The following PACS1 variants were observed in gnomAD, a reference collection of about 807,000 sequenced individuals.
The protein encoded by PACS1 is PACS-1.
Under a neutral mutation model 115.0 loss-of-function variants are expected in PACS1, and 24 were observed. The observed-to-expected ratio is 0.21, with a 90% CI of 0.15 to 0.29. The LOEUF (loss-of-function observed/expected upper bound fraction) is 0.29, where lower values mean the gene tolerates loss of function less well. Among genes scored for constraint, PACS1 ranks in the 10% least tolerant of loss-of-function variants. The pLI is 1.00. For synonymous variants in PACS1, 453 were observed against 504.5 expected (o/e 0.90, Z 1.37); for missense variants, 838 against 1,251.2 (o/e 0.67, Z 4.98).
chr11:66,241,677 A>C (rs769635265), intron 22 of PACS1, 24 bp downstream of exon 22: 1 of 1,575,488 alleles, frequency 6.3e-7, no homozygotes, highest in Non-Finnish European at 8.7e-7. Context: ...AGGCCGGGGA[A>C]GACCATGGGC....
intron 1 of PACS1, among the ~76,000 whole-genome samples, chr11:66,072,676 A>G (rs1355240224): frequency 6.6e-6 from 1 of 152,312 alleles, no homozygotes; most frequent in East Asian, 1.9e-4. Flanking sequence ...CTCTCTTTCT[A>G]TACAGGCCCA....
chr11:66,216,087 A>G, intron 4 of PACS1, 32 bp from the exon 5 acceptor site: 1 of 1,612,216 alleles, frequency 6.2e-7, no homozygotes, highest in Non-Finnish European at 8.5e-7. Flanking sequence ...CCTCTGTAGT[A>G]ACACGCCTCC....
rs186385548 is a variant in PACS1, at chr11:66,164,444, A to T, written c.357-29042A>T. 3.3e-5 allele frequency among the ~76,000 whole-genome samples: 5 copies of T among 151,240 alleles called. No individual in the cohort carries two copies. The East Asian group carries it at 9.9e-4, about 30-fold the overall frequency. ...AGAGTGACATCAGATCTATTAAAAA[A>T]AAAATTTTTTTCATTTGTGAGTATA... On this transcript the variant is annotated intron_variant, in intron 1 of 23. Coordinates refer to ENST00000320580, the MANE Select transcript of PACS1 (RefSeq NM_018026.4).
rs71461615 is a variant in PACS1 at position 66,236,766 on chromosome 11, T to TTA, written c.2250+827_2250+828insAT. On this transcript the variant is annotated intron_variant, in intron 19 of 23. Transcript: ENST00000320580. This position sits in a 1 kb window ranked among gnomAD's most constrained non-coding sequence, Gnocchi z 4.2. The stretch of plus-strand genomic sequence containing the variant: ...AACCAGCTTCTATCTTTTTTTATTA[T>TTA]TTTTTTTTTTTATGAGATGGAGTCT... 2.4e-3 allele frequency among the ~76,000 whole-genome samples: 237 copies of TTA among 97,074 alleles called. No homozygotes were observed. Among genetic ancestry groups the TTA allele is most frequent in the African/African-American group, 5.2e-3 (126 of 24,362 alleles). 63.7% of individuals were successfully genotyped at this position (97,074 alleles called of 152,430 possible). A position where few individuals can be genotyped will look rare whatever the true frequency, so the allele number is the denominator to read the frequency against.
intron 1 of PACS1, among the ~76,000 whole-genome samples, chr11:66,168,815 A>AT (rs1859671101): frequency 6.7e-6 from 1 of 148,646 alleles, no homozygotes; most frequent in African/African-American, 2.6e-5. Flanking sequence ...TTAATTTTAC[A>AT]TTTTTAAATT....
intron 19 of PACS1, chr11:66,238,186 C>T (rs1219040406): frequency 2.0e-6 from 2 of 985,322 alleles, no homozygotes; most frequent in Non-Finnish European, 2.4e-6. Context: ...CCATTCAGTA[C>T]ACTTCCAGAT....
At position 66,230,837 on chromosome 11, in the gene PACS1, A is replaced by G. The variant is rs1406197729; in HGVS notation, c.1523A>G (p.Lys508Arg). 10 of 1,614,084 alleles carry G rather than the reference A, an allele frequency of 6.2e-6. 1 individual carries two copies. Among genetic ancestry groups the G allele is most frequent in the Non-Finnish European group, 8.5e-6 (10 of 1,180,034 alleles). Reference sequence around the variant, plus strand: ...GAGGGGGTGCACACACCCCGGCAGAAGAGGAGCACGCCCCTGAAGGAGCGG... The same window carrying G: ...GAGGGGGTGCACACACCCCGGCAGAGGAGGAGCACGCCCCTGAAGGAGCGG... Reference protein sequence around the residue: ...KVEGVHTPRQKRSTPLKERQL... With the variant: ...KVEGVHTPRQRRSTPLKERQL... Residue 508 changes from lysine (K) to arginine (R), a missense_variant, in exon 13 of 24, where the codon AAG (lysine) becomes AGG (arginine). Around this residue, in one of 6 missense-constraint regions of PACS1, gnomAD observed 383 missense variants for 537.0 expected, o/e 0.71. Transcript: ENST00000320580.
At chr11:66,200,429 A>T (rs116679251) in intron 2 of PACS1, among the ~76,000 whole-genome samples, 225 of 152,284 alleles carry the variant, frequency 1.5e-3, no homozygotes, top group African/African-American at 4.4e-3. Flanking sequence ...ACACATAGAG[A>T]CTAAAAATAA....
chr11:66,086,168 C>T (rs1422699220), intron 1 of PACS1, among the ~76,000 whole-genome samples: 6 of 137,698 alleles, frequency 4.4e-5, no homozygotes, highest in Admixed American at 2.3e-4. Flanking sequence ...GACGGAGTCT[C>T]GCTCTGTCGC....
intron 10 of PACS1, among the ~76,000 whole-genome samples, chr11:66,226,137 A>C (rs1217677991): frequency 6.6e-6 from 1 of 152,128 alleles, no homozygotes; most frequent in Non-Finnish European, 1.5e-5. Context: ...GCACCACTAC[A>C]CCCCAGCCTG....
rs1855859050 is a variant in PACS1 at position 66,243,505 on chromosome 11, C to T, written c.*225C>T. 3 of 569,720 alleles carry T rather than the reference C, an allele frequency of 5.3e-6. No homozygotes were observed. The highest frequency in any genetic ancestry group is 9.5e-6 in the Non-Finnish European group (3 of 317,122). 35.3% of individuals were successfully genotyped at this position (569,720 alleles called of 1,614,324 possible). A position where few individuals can be genotyped will look rare whatever the true frequency, so the allele number is the denominator to read the frequency against. ...CCTCCTTCCCGCTTTTCCCCTTCTCCCTCCTGCTCCAGGCCCAAGGCGTGT... is the reference window on the plus strand; with the variant it reads ...CCTCCTTCCCGCTTTTCCCCTTCTCTCTCCTGCTCCAGGCCCAAGGCGTGT... On this transcript the variant is annotated 3_prime_UTR_variant, in exon 24 of 24. Coordinates refer to ENST00000320580, the MANE Select transcript of PACS1 (RefSeq NM_018026.4).
intron 1 of PACS1, among the ~76,000 whole-genome samples, chr11:66,092,466 G>A (rs1327594476): frequency 1.3e-5 from 2 of 152,108 alleles, no homozygotes; most frequent in African/African-American, 2.4e-5. Flanking sequence ...CTCCCATTTT[G>A]TAGGTTGCCT....
chr11:66,126,452 A>G (rs1002469230), intron 1 of PACS1, among the ~76,000 whole-genome samples: 2 of 152,218 alleles, frequency 1.3e-5, no homozygotes, highest in African/African-American at 4.8e-5. Flanking sequence ...ACTTAGAATC[A>G]GCTATTGAAC....
intron 10 of PACS1, among the ~76,000 whole-genome samples, chr11:66,223,336 C>T (rs533606176): frequency 1.6e-3 from 240 of 151,980 alleles, no homozygotes; most frequent in African/African-American, 5.6e-3. Context: ...TCAGGTGATC[C>T]GCCCGCCTCA....
chr11:66,092,507 G>A (rs1857684496), intron 1 of PACS1, among the ~76,000 whole-genome samples: 1 of 151,950 alleles, frequency 6.6e-6, no homozygotes, highest in African/African-American at 2.4e-5. Context: ...CTTTTGCTGT[G>A]CAGAAGCTCT....
rs1855214047 is a variant in PACS1, at chr11:66,216,557, G to A, written c.843G>A (p.Glu281=). The A allele has an allele frequency of 6.2e-7, 1 of 1,614,004 alleles. No individual in the cohort carries two copies. Among genetic ancestry groups the A allele is most frequent in the South Asian group, 1.1e-5 (1 of 91,092 alleles). ...SPDIDNYSEE[E]EESFSSEQEG... Reference sequence around the variant, plus strand: ...ATATTGACAATTATTCTGAGGAAGAGGAAGAGAGTTTCTCATCAGAACAGG... The same window carrying A: ...ATATTGACAATTATTCTGAGGAAGAAGAAGAGAGTTTCTCATCAGAACAGG... The change falls in exon 6 of 24, where the codon GAG becomes GAA. Residue 281 remains glutamate (E), a synonymous_variant. Coordinates refer to ENST00000320580, the MANE Select transcript of PACS1 (RefSeq NM_018026.4).
chr11:66,180,692 T>C (rs1398223752), intron 1 of PACS1, among the ~76,000 whole-genome samples: 1 of 151,570 alleles, frequency 6.6e-6, no homozygotes, highest in African/African-American at 2.4e-5. Context: ...AGGATGTTGC[T>C]CTCTCAACCA....
chr11:66,121,796 A>G (rs1858449387), intron 1 of PACS1, among the ~76,000 whole-genome samples: 1 of 152,202 alleles, frequency 6.6e-6, no homozygotes, highest in Admixed American at 6.5e-5. Context: ...TGCAGGAGAA[A>G]AGTTTGAAGC....
Position 66,167,876 on chromosome 11 carries a change from G to T in PACS1, c.357-25610G>T, listed in dbSNP as rs1015154612. 4.0e-5 allele frequency among the ~76,000 whole-genome samples: 6 copies of T among 149,938 alleles called. 1 individual carries two copies. The highest frequency in any genetic ancestry group is 1.3e-4 in the African/African-American group (5 of 39,476). On this transcript the variant is annotated intron_variant, in intron 1 of 23. Transcript: ENST00000320580. ...TTGTTGTTCCTTCACTAATACCATA[G>T]TGCTTCAACTACTGTTTCTTTACAG...
Sources: allele counts gnomAD v4.1 joint callset (sites outside exome capture counted in the v4.1 genomes callset), GRCh38; gene constraint gnomAD v4.1.1; regional missense constraint gnomAD v4.1.1; non-coding constraint Gnocchi (gnomAD v3.1); transcripts MANE v1.5; gene names NCBI Gene and HGNC (gene_info 2026-07-23, HGNC 2026-07-21).